PCDHGA5: variants seen among roughly 807,000 people sequenced by gnomAD.
PCDHGA5 encodes the protein protocadherin gamma subfamily A, 5, also known as protocadherin gamma-A5.
Under a neutral mutation model 56.7 loss-of-function variants are expected in PCDHGA5, and 36 were observed. The ratio of observed to expected loss-of-function variants is 0.64; its 90% CI spans 0.49 to 0.84. The LOEUF is 0.84. PCDHGA5 is among the 40% of genes least tolerant of loss of function. The pLI, the probability that PCDHGA5 is intolerant of heterozygous loss-of-function variation, is 0.00. For synonymous variants in PCDHGA5, 563 were observed against 520.2 expected, an observed-to-expected ratio of 1.08 and a Z score of -1.12; for missense variants, 1,305 against 1,201.5, an observed-to-expected ratio of 1.09 and a Z score of -1.27.
chr5:141,372,704 A>G lies in PCDHGA5; in HGVS notation c.2421+5953A>G, dbSNP rs1768986926. The G allele has an allele frequency of 5.6e-6, 9 of 1,613,992 alleles. 1 individual carries two copies. The South Asian group carries it at 8.8e-5, about 16-fold the overall frequency. ...ACACCGAGTTTAAATTTCTCAATAT[A>G]AAGGCTGAAAATGCTGCACCACAAG... is the stretch of plus-strand genomic sequence containing the variant. On this transcript the variant is annotated intron_variant, in intron 1 of 3. Coordinates refer to ENST00000518069, the MANE Select transcript of PCDHGA5 (RefSeq NM_018918.3).
At chr5:141,426,896 C>A in intron 1 of PCDHGA5, 1 of 456,782 alleles carries the variant, frequency 2.2e-6, no homozygotes, top group Non-Finnish European at 4.4e-6. Context: ...AGCAACAGAG[C>A]TCTCATCTCC....
rs142590218 is a variant in PCDHGA5, at chr5:141,489,982, C to T, written c.2422-4825C>T. On this transcript the variant is annotated intron_variant, in intron 1 of 3. Coordinates refer to ENST00000518069, the MANE Select transcript of PCDHGA5 (RefSeq NM_018918.3). This position sits in a 1 kb window ranked among gnomAD's most constrained non-coding sequence, Gnocchi z 4.5. ...TCCAACCTTCCAATCCTCAGTTCTA[C>T]GTGTGGGAATCCCAGAGAATGCACC... The T allele has an allele frequency of 2.9e-5, 47 of 1,614,010 alleles. No individual in the cohort carries two copies. The highest frequency in any genetic ancestry group is 3.7e-5 in the Non-Finnish European group (44 of 1,179,964).
intron 1 of PCDHGA5, chr5:141,371,039 G>T (rs1233349729): frequency 6.2e-6 from 10 of 1,613,966 alleles, no homozygotes; most frequent in Non-Finnish European, 8.5e-6. Flanking sequence ...TCACAGCTGT[G>T]GATGGGGGCG....
Position 141,511,151 on chromosome 5 carries a change from C to T in PCDHGA5, c.2774C>T (p.Ser925Leu), listed in dbSNP as rs202071188. The T allele has an allele frequency of 3.0e-5, 49 of 1,614,152 alleles. No individual in the cohort carries two copies. The highest frequency in any genetic ancestry group is 2.6e-4 in the South Asian group (24 of 91,066). The change falls in exon 4 of 4, where the codon TCG becomes TTG. Residue 925 changes from serine (S) to leucine (L), a missense_variant. Ser to Leu is a moderately radical substitution (Grantham distance 145, BLOSUM62 -2). Coordinates refer to ENST00000518069, the MANE Select transcript of PCDHGA5 (RefSeq NM_018918.3). ...GGTGGCAATGGCAACAAGAAGAAGT[C>T]GGGCAAGAAGGAGAAGAAGTAACAT... ...PAGGNGNKKK[S>L]GKKEKK
At position 141,432,952 on chromosome 5, in the gene PCDHGA5, C is replaced by G. The variant is rs2097553312; in HGVS notation, c.2422-61855C>G. ...GCCTGCTGCAGGCTTCAGGAGGCGGCTTGACAGGAGCGCCGGCGTCGCACT... is the reference window on the plus strand; with the variant it reads ...GCCTGCTGCAGGCTTCAGGAGGCGGGTTGACAGGAGCGCCGGCGTCGCACT... On this transcript the variant is annotated intron_variant, in intron 1 of 3. Transcript: ENST00000518069. The surrounding 1 kb of genome is among the most constrained non-coding windows in gnomAD (Gnocchi z 6.0). 1 of 1,614,086 alleles carries G rather than the reference C, an allele frequency of 6.2e-7. No individual in the cohort carries two copies. Among genetic ancestry groups the G allele is most frequent in the South Asian group, 1.1e-5 (1 of 91,090 alleles).
chr5:141,447,851 C>T (rs961725006), intron 1 of PCDHGA5, among the ~76,000 whole-genome samples: 1 of 151,980 alleles, frequency 6.6e-6, no homozygotes, highest in East Asian at 1.9e-4. Flanking sequence ...TTTGGGAGGC[C>T]GAGGTGGGTG....
At chr5:141,452,251 ACT>A (rs899414988) in intron 1 of PCDHGA5, among the ~76,000 whole-genome samples, 29 of 152,204 alleles carry the variant, frequency 1.9e-4, no homozygotes, top group African/African-American at 6.7e-4. Flanking sequence ...TTTTGCCATA[ACT>A]CTCTCATTTT....
intron 1 of PCDHGA5, chr5:141,421,745 T>C: frequency 6.2e-7 from 1 of 1,613,950 alleles, no homozygotes; most frequent in Non-Finnish European, 8.5e-7. Flanking sequence ...AGCTACCAGC[T>C]CAGCCCTAAT....
At chr5:141,410,847 G>GTATTT in intron 1 of PCDHGA5, 1 of 158,252 alleles carries the variant, frequency 6.3e-6, no homozygotes. Flanking sequence ...TTTTGTCTTT[G>GTATTT]TCTTTTTTTT....
At position 141,477,924 on chromosome 5, in the gene PCDHGA5, A is replaced by G; in HGVS notation, c.2422-16883A>G. 1 of 1,614,140 alleles carries G rather than the reference A, an allele frequency of 6.2e-7. No homozygotes were observed. On this transcript the variant is annotated intron_variant, in intron 1 of 3. Transcript: ENST00000518069. The surrounding 1 kb of genome is among the most constrained non-coding windows in gnomAD (Gnocchi z 4.9). ...GGCTGGGACGCGGATGCAGGGCACA[A>G]TGCCTGGCTCTCCTACAGTCTCTTG...
chr5:141,432,172 CGTCTCTGTGACCGCCCACGACCCCGA>C lies in PCDHGA5; in HGVS notation c.2422-62634_2422-62609del. 6.2e-7 allele frequency: 1 copy of C among 1,614,152 alleles called. No individual in the cohort carries two copies. Among genetic ancestry groups the C allele is most frequent in the Non-Finnish European group, 8.5e-7 (1 of 1,180,038 alleles). ...AGAACAATCCCAGAGGAGTTTCCCT[CGTCTCTGTGACCGCCCACGACCCCGA>C]CTGTGAAGAGAACGCCCAGATCACT... On this transcript the variant is annotated intron_variant, in intron 1 of 3. Transcript: ENST00000518069. The surrounding 1 kb of genome is among the most constrained non-coding windows in gnomAD (Gnocchi z 6.0).
In PCDHGA5 at chr5:141,477,844, G is replaced by A. The variant is rs748180474; in HGVS notation, c.2422-16963G>A. On this transcript the variant is annotated intron_variant, in intron 1 of 3. Coordinates refer to ENST00000518069, the MANE Select transcript of PCDHGA5 (RefSeq NM_018918.3). This position sits in a 1 kb window ranked among gnomAD's most constrained non-coding sequence, Gnocchi z 4.9. ...TATATCCTCGGCCAGGTGGGAGCTC[G>A]GTGGAGATGCTGCCTCGAGGTACCT... The A allele has an allele frequency of 6.2e-7, 1 of 1,613,394 alleles. No individual in the cohort carries two copies.
At chr5:141,419,359 G>C (rs1257423360) in intron 1 of PCDHGA5, 1 of 1,613,796 alleles carries the variant, frequency 6.2e-7, no homozygotes. Flanking sequence ...AGTCACGAAC[G>C]CTGTCGTCCT....
At chr5:141,458,989 T>C (rs1341538997) in intron 1 of PCDHGA5, among the ~76,000 whole-genome samples, 1 of 152,134 alleles carries the variant, frequency 6.6e-6, no homozygotes, top group Non-Finnish European at 1.5e-5. Flanking sequence ...TGCCTCACCC[T>C]CCCAAAGTGC....
intron 1 of PCDHGA5, chr5:141,387,909 G>C (rs1383616266): frequency 8.0e-6 from 12 of 1,498,886 alleles, no homozygotes; most frequent in Non-Finnish European, 1.1e-5. Flanking sequence ...CGGGGAGCTG[G>C]GCCGGGCTGA....
chr5:141,409,820 C>T (rs1276944982), intron 1 of PCDHGA5: 4 of 1,610,926 alleles, frequency 2.5e-6, no homozygotes, highest in Non-Finnish European at 3.4e-6. Flanking sequence ...CCACGGCTCG[C>T]CCACGCTCAG....
chr5:141,487,831 A>T lies in PCDHGA5; in HGVS notation c.2422-6976A>T. 2 of 1,144,322 alleles carry T rather than the reference A, an allele frequency of 1.7e-6. No individual in the cohort carries two copies. Among genetic ancestry groups the T allele is most frequent in the Non-Finnish European group, 2.4e-6 (2 of 818,294 alleles). 70.9% of individuals were successfully genotyped at this position (1,144,322 alleles called of 1,614,324 possible). ...TTAGCATTGGGGGCGGGTCATGCCT[A>T]TATCTGAGTAAGAAATGAAAGTAAT... On this transcript the variant is annotated intron_variant, in intron 1 of 3. Transcript: ENST00000518069. The surrounding 1 kb of genome is among the most constrained non-coding windows in gnomAD (Gnocchi z 5.0).
At position 141,432,554 on chromosome 5, in the gene PCDHGA5, G is replaced by A. The variant is rs757821109; in HGVS notation, c.2422-62253G>A. The A allele has an allele frequency of 9.3e-6, 15 of 1,613,832 alleles. No homozygotes were observed. Among genetic ancestry groups the A allele is most frequent in the Non-Finnish European group, 1.3e-5 (15 of 1,180,006 alleles). On this transcript the variant is annotated intron_variant, in intron 1 of 3. Coordinates refer to ENST00000518069, the MANE Select transcript of PCDHGA5 (RefSeq NM_018918.3). The surrounding 1 kb of genome is among the most constrained non-coding windows in gnomAD (Gnocchi z 6.0). ...GGTGGTGGCGGTGGACAGAGACTCCGGCCAGAACGCCTGGCTGTCCTACCG... is the reference window on the plus strand; with the variant it reads ...GGTGGTGGCGGTGGACAGAGACTCCAGCCAGAACGCCTGGCTGTCCTACCG...
intron 1 of PCDHGA5, chr5:141,389,880 T>C: frequency 6.2e-7 from 1 of 1,614,080 alleles, no homozygotes; most frequent in Non-Finnish European, 8.5e-7. Flanking sequence ...CGCCGACAGC[T>C]TGCAGGAGGT....
Sources: allele counts gnomAD v4.1 joint callset (sites outside exome capture counted in the v4.1 genomes callset), GRCh38; gene constraint gnomAD v4.1.1; non-coding constraint Gnocchi (gnomAD v3.1); transcripts MANE v1.5; gene names NCBI Gene and HGNC (gene_info 2026-07-23, HGNC 2026-07-21).